Variants in ULK4 observed in about 807,000 individuals in gnomAD.
The protein encoded by ULK4 is inactive serine/threonine-protein kinase ULK4.
ULK4 carries 133 observed loss-of-function variants against 160.6 expected under a neutral mutation model. The ratio of observed to expected loss-of-function variants is 0.83; its 90% CI spans 0.72 to 0.96. ULK4 has a LOEUF of 0.96. Ranked by LOEUF, ULK4 falls within the 40% of genes least tolerant of loss-of-function variation. ULK4 has a pLI of 0.00. For missense variants in ULK4, 1,580 were observed against 1,499.5 expected (o/e 1.05, Z -0.89); for synonymous variants, 534 against 539.8 (o/e 0.99, Z 0.15).
chr3:41,352,716 T>G (rs972651118), intron 35 of ULK4, among the ~76,000 whole-genome samples: 12 of 152,130 alleles, frequency 7.9e-5, no homozygotes, highest in African/African-American at 2.9e-4. Flanking sequence ...AGATCCTCTT[T>G]GCTTAACTTC....
chr3:41,346,041 A>C (rs992100625), intron 35 of ULK4, among the ~76,000 whole-genome samples: 1 of 152,010 alleles, frequency 6.6e-6, no homozygotes, highest in Admixed American at 6.6e-5. Flanking sequence ...GGTGCAGAGT[A>C]TAAGGACAGG....
At chr3:41,422,133 T>C (rs993642738) in intron 34 of ULK4, among the ~76,000 whole-genome samples, 27 of 152,140 alleles carry the variant, frequency 1.8e-4, no homozygotes, top group African/African-American at 6.0e-4. Flanking sequence ...TTCTGTGTCA[T>C]AAATAGTCCT....
chr3:41,822,313 C>A (rs894083246), intron 18 of ULK4, among the ~76,000 whole-genome samples: 1 of 152,192 alleles, frequency 6.6e-6, no homozygotes, highest in Non-Finnish European at 1.5e-5. Context: ...TTCTTAATAA[C>A]GGCCGTAATC....
intron 35 of ULK4, among the ~76,000 whole-genome samples, chr3:41,332,368 A>G (rs1248590382): frequency 6.6e-6 from 1 of 152,216 alleles, no homozygotes; most frequent in African/African-American, 2.4e-5. Context: ...AAAATAGTTA[A>G]CTCCAAGCAT....
intron 22 of ULK4, among the ~76,000 whole-genome samples, chr3:41,723,203 G>A (rs577837294): frequency 7.2e-5 from 11 of 151,928 alleles, no homozygotes; most frequent in Admixed American, 3.3e-4. Flanking sequence ...TCTTTTCTCA[G>A]GAAAATGAAG....
At position 41,307,854 on chromosome 3, in the gene ULK4, TATATAGC is replaced by T. The variant is rs1346013848; in HGVS notation, c.3679-58287_3679-58281del. Among the ~76,000 whole-genome samples the T allele has an allele frequency of 3.4e-5, 5 of 148,942 alleles. No individual in the cohort carries two copies. In the East Asian group the frequency reaches 9.8e-4, roughly 29 times the overall value. ...CATACATACATACATACACATATAA[TATATAGC>T]TAAAGTGGTAAGGAAATAGGAAAAT... On this transcript the variant is annotated intron_variant, in intron 35 of 36. Transcript: ENST00000301831.
chr3:41,896,796 G>C, intron 15 of ULK4, 26 bp downstream of exon 15: 1 of 1,589,720 alleles, frequency 6.3e-7, no homozygotes, highest in Non-Finnish European at 8.5e-7. Context: ...AAATTAAAAT[G>C]CATAAGGCAT....
rs865974663 is a variant in ULK4 at position 41,953,304 on chromosome 3, A to T, written c.138+1318T>A. ...TATACACATATATATATATATATAT[A>T]TTTTTTTTTTTTTTTGAGATGGAGT... On this transcript the variant is annotated intron_variant, in intron 2 of 36. Transcript: ENST00000301831. Among the ~76,000 whole-genome samples, 235 of 124,794 alleles carry T rather than the reference A, an allele frequency of 1.9e-3. 3 individuals carry two copies. Among genetic ancestry groups the T allele is most frequent in the African/African-American group, 7.0e-3 (225 of 32,082 alleles). 81.9% of individuals were successfully genotyped at this position (124,794 alleles called of 152,430 possible).
chr3:41,721,874 C>G (rs1000603744), intron 22 of ULK4, among the ~76,000 whole-genome samples: 1 of 152,194 alleles, frequency 6.6e-6, no homozygotes, highest in Non-Finnish European at 1.5e-5. Context: ...ACCAACAGTA[C>G]TCCAGCAGTA....
intron 33 of ULK4, among the ~76,000 whole-genome samples, chr3:41,455,922 C>G (rs1218893460): frequency 6.6e-6 from 1 of 151,698 alleles, no homozygotes; most frequent in Non-Finnish European, 1.5e-5. Context: ...TCTTTTTTTT[C>G]TTTTTGAGTT....
intron 31 of ULK4, among the ~76,000 whole-genome samples, chr3:41,592,250 TAG>T (rs1224945193): frequency 1.3e-5 from 2 of 151,956 alleles, no homozygotes; most frequent in African/African-American, 4.9e-5. Context: ...TGAGTCAATT[TAG>T]AGAGCTGAGT....
chr3:41,475,026 A>G (rs896256314), intron 32 of ULK4, among the ~76,000 whole-genome samples: 7 of 152,190 alleles, frequency 4.6e-5, no homozygotes, highest in Non-Finnish European at 1.0e-4. Flanking sequence ...CACATTGAAG[A>G]GATATCTGCA....
intron 32 of ULK4, among the ~76,000 whole-genome samples, chr3:41,565,389 A>T (rs1468302843): frequency 1.3e-5 from 2 of 152,056 alleles, no homozygotes; most frequent in African/African-American, 4.8e-5. Flanking sequence ...CCCCTCCAAA[A>T]CTCATGCTGC....
chr3:41,562,602 A>C (rs1420162121), intron 32 of ULK4, among the ~76,000 whole-genome samples: 1 of 152,032 alleles, frequency 6.6e-6, no homozygotes, highest in African/African-American at 2.4e-5. Flanking sequence ...ATCACCCTTT[A>C]CCATTATGTA....
intron 29 of ULK4, among the ~76,000 whole-genome samples, chr3:41,670,859 G>A (rs1382564662): frequency 6.6e-6 from 1 of 151,932 alleles, no homozygotes; most frequent in Non-Finnish European, 1.5e-5. Context: ...GATTGAGAGG[G>A]AGCAAATAAT....
chr3:41,395,932 T>C (rs1265589905), intron 35 of ULK4, among the ~76,000 whole-genome samples: 1 of 152,150 alleles, frequency 6.6e-6, no homozygotes, highest in Non-Finnish European at 1.5e-5. Context: ...TCAGATATTA[T>C]AAAGAAGCCA....
chr3:41,291,460 A>AGGAGG (rs1469803034), intron 35 of ULK4, among the ~76,000 whole-genome samples: 6 of 668 alleles, frequency 9.0e-3, no homozygotes, highest in East Asian at 0.042. Context: ...GGGAGGGAAG[A>AGGAGG]AGAGGAGGGG....
chr3:41,291,234 T>C lies in ULK4; in HGVS notation c.3679-41660A>G, dbSNP rs2079554700. ...ACTAGACATTGCCTGATATAAAATG[T>C]ATACAGGGTTATTATGCTTTTAGTA... On this transcript the variant is annotated intron_variant, in intron 35 of 36. Transcript: ENST00000301831. 2.6e-5 allele frequency among the ~76,000 whole-genome samples: 4 copies of C among 151,208 alleles called. No individual in the cohort carries two copies. The South Asian group carries it at 8.4e-4, about 32-fold the overall frequency.
intron 35 of ULK4, among the ~76,000 whole-genome samples, chr3:41,355,691 G>A (rs1180415868): frequency 6.6e-6 from 1 of 152,134 alleles, no homozygotes; most frequent in East Asian, 1.9e-4. Context: ...GAAAGCATAT[G>A]CCAACCAAAA....
Sources: allele counts gnomAD v4.1 joint callset (sites outside exome capture counted in the v4.1 genomes callset), GRCh38; gene constraint gnomAD v4.1.1; transcripts MANE v1.5; gene names NCBI Gene and HGNC (gene_info 2026-07-23, HGNC 2026-07-21).